Variants in ZNF277 observed in about 807,000 individuals in gnomAD.
ZNF277 encodes zinc finger protein 277.
A neutral mutation model predicts 60.7 loss-of-function variants in ZNF277; 55 were observed. That is an observed-to-expected ratio of 0.91 (90% CI 0.73 to 1.13). The LOEUF (loss-of-function observed/expected upper bound fraction) is 1.13, where lower values mean the gene tolerates loss of function less well. ZNF277 is among the 50% of genes most tolerant of loss of function. The probability of loss-of-function intolerance (pLI) is 0.00; values close to 1 mark genes in which losing one functional copy is unlikely to be tolerated. For missense variants in ZNF277, 510 were observed against 523.0 expected, an observed-to-expected ratio of 0.98 and a Z score of 0.24; for synonymous variants, 178 against 179.3, an observed-to-expected ratio of 0.99 and a Z score of 0.06.
intron 1 of ZNF277, among the ~76,000 whole-genome samples, chr7:112,228,303 T>C (rs1822228560): frequency 6.6e-6 from 1 of 152,116 alleles, no homozygotes; most frequent in Non-Finnish European, 1.5e-5. Flanking sequence ...AATCACATTT[T>C]GGGGCTCTAG....
At chr7:112,282,514 G>C (rs1791970755) in intron 1 of ZNF277, among the ~76,000 whole-genome samples, 1 of 152,246 alleles carries the variant, frequency 6.6e-6, no homozygotes, top group Non-Finnish European at 1.5e-5. Context: ...TCCCCAGCCA[G>C]GAACATGGGA....
chr7:112,314,619 C>T (rs1479845624), intron 4 of ZNF277, among the ~76,000 whole-genome samples: 1 of 152,036 alleles, frequency 6.6e-6, no homozygotes, highest in Non-Finnish European at 1.5e-5. Context: ...GATGGAGAAA[C>T]CCTGTCTCTA....
intron 4 of ZNF277, 88 bp downstream of exon 4, chr7:112,296,399 T>A: frequency 1.5e-6 from 1 of 658,616 alleles, no homozygotes; most frequent in Non-Finnish European, 2.4e-6. Context: ...TTTTTTACTT[T>A]TTGTTATGGA....
intron 7 of ZNF277, among the ~76,000 whole-genome samples, chr7:112,334,401 G>C (rs1165874396): frequency 2.2e-5 from 3 of 138,772 alleles, no homozygotes; most frequent in Non-Finnish European, 4.6e-5. Flanking sequence ...AGAGTTATGT[G>C]CTTTTTTTTT....
intron 4 of ZNF277, among the ~76,000 whole-genome samples, chr7:112,303,109 C>G (rs889801021): frequency 6.6e-6 from 1 of 151,988 alleles, no homozygotes; most frequent in South Asian, 2.1e-4. Context: ...TGCCACCACA[C>G]CCAGCTAATT....
intron 1 of ZNF277, among the ~76,000 whole-genome samples, chr7:112,237,691 A>G (rs1790837130): frequency 6.6e-6 from 1 of 152,102 alleles, no homozygotes; most frequent in Non-Finnish European, 1.5e-5. Context: ...ATCTCCCAAA[A>G]GCAACAAAAA....
At chr7:112,279,556 C>A (rs1584372044) in intron 1 of ZNF277, among the ~76,000 whole-genome samples, 1 of 151,996 alleles carries the variant, frequency 6.6e-6, no homozygotes, top group East Asian at 1.9e-4. Flanking sequence ...GGGTTTTATG[C>A]TACTGAGTTG....
At chr7:112,256,049 A>G (rs1190202985) in intron 1 of ZNF277, among the ~76,000 whole-genome samples, 18 of 152,126 alleles carry the variant, frequency 1.2e-4, no homozygotes, top group Admixed American at 1.1e-3. Context: ...ACTAGAATCT[A>G]TGTCTTCATC....
At chr7:112,303,630 G>C (rs1256509471) in intron 4 of ZNF277, among the ~76,000 whole-genome samples, 1 of 151,892 alleles carries the variant, frequency 6.6e-6, no homozygotes, top group Non-Finnish European at 1.5e-5. Context: ...TCCTACCTAA[G>C]CTAAATTCTC....
At chr7:112,227,335 A>G (rs892981846) in intron 1 of ZNF277, among the ~76,000 whole-genome samples, 2 of 152,236 alleles carry the variant, frequency 1.3e-5, no homozygotes, top group Non-Finnish European at 2.9e-5. Flanking sequence ...TTAATTTAGC[A>G]AAGAACAATT....
intron 4 of ZNF277, among the ~76,000 whole-genome samples, chr7:112,299,376 T>A (rs1176426610): frequency 1.3e-5 from 2 of 152,182 alleles, no homozygotes; most frequent in African/African-American, 2.4e-5. Context: ...TAGTACTAAA[T>A]GGTGGCAAGA....
intron 4 of ZNF277, among the ~76,000 whole-genome samples, chr7:112,301,607 A>G (rs1024840857): frequency 1.3e-5 from 2 of 152,166 alleles, no homozygotes; most frequent in Admixed American, 6.6e-5. Flanking sequence ...AGGAATGGCA[A>G]TCCCCACCTG....
At chr7:112,318,967 T>C (rs1315148266) in intron 5 of ZNF277, among the ~76,000 whole-genome samples, 1 of 152,022 alleles carries the variant, frequency 6.6e-6, no homozygotes, top group East Asian at 1.9e-4. Context: ...AGGATACAGA[T>C]TAGAAACAGC....
chr7:112,333,546 AC>A (rs1041629188), intron 7 of ZNF277, among the ~76,000 whole-genome samples: 1 of 152,068 alleles, frequency 6.6e-6, no homozygotes, highest in Non-Finnish European at 1.5e-5. Context: ...AACGCCATAG[AC>A]TCTGCCAGCG....
chr7:112,279,936 A>G (rs1192980260), intron 1 of ZNF277, among the ~76,000 whole-genome samples: 1 of 152,112 alleles, frequency 6.6e-6, no homozygotes. Flanking sequence ...GAAGATATGG[A>G]CAAAGTGGAA....
chr7:112,296,592 T>C (rs1792339721), intron 4 of ZNF277, among the ~76,000 whole-genome samples: 1 of 152,038 alleles, frequency 6.6e-6, no homozygotes, highest in African/African-American at 2.4e-5. Flanking sequence ...AGTGTAATTT[T>C]AGCTGCCTGA....
chr7:112,326,641 TA>T (rs72193139), intron 5 of ZNF277, among the ~76,000 whole-genome samples: 387 of 144,876 alleles, frequency 2.7e-3, no homozygotes, highest in Non-Finnish European at 2.9e-3. Flanking sequence ...CTTACATAGT[TA>T]AAAAAAAAAA....
intron 4 of ZNF277, among the ~76,000 whole-genome samples, chr7:112,312,378 G>A (rs1367140188): frequency 6.6e-6 from 1 of 151,902 alleles, no homozygotes; most frequent in Non-Finnish European, 1.5e-5. Context: ...ACATTCTTGG[G>A]GTAATTGAAT....
intron 1 of ZNF277, 36 bp downstream of exon 1, chr7:112,206,843 C>G (rs747328347): frequency 1.3e-6 from 2 of 1,596,388 alleles, no homozygotes; most frequent in Non-Finnish European, 8.6e-7. Context: ...GCTGATGTGT[C>G]TTCCTTTCTC....
Sources: gnomAD v4.1 joint callset for allele counts (sites outside exome capture counted in the v4.1 genomes callset) on GRCh38, gnomAD v4.1.1 for gene constraint, MANE v1.5 for transcripts, NCBI Gene and HGNC (gene_info 2026-07-23, HGNC 2026-07-21) for gene names.